AFF3: variants seen among roughly 807,000 people sequenced by gnomAD.
AFF3 encodes ALF transcription elongation factor 3.
In AFF3, 32 loss-of-function variants were observed where a neutral mutation model predicts 129.7. The observed-to-expected ratio is 0.25, with a 90% CI of 0.19 to 0.33. AFF3 has a LOEUF of 0.33. Ranked by LOEUF, AFF3 falls within the 10% of genes least tolerant of loss-of-function variation. AFF3 has a pLI of 1.00. For missense variants in AFF3, 1,373 were observed against 1,592.0 expected (o/e 0.86, Z 2.34); for synonymous variants, 644 against 635.4 (o/e 1.01, Z -0.20).
At chr2:99,553,729 T>C (rs1305655506) in intron 24 of AFF3, among the ~76,000 whole-genome samples, 9 of 151,318 alleles carry the variant, frequency 5.9e-5, no homozygotes, top group East Asian at 1.9e-4. Context: ...CTGGCCAACA[T>C]GGTGAAACCC....
At chr2:99,676,391 G>A (rs919371153) in intron 11 of AFF3, among the ~76,000 whole-genome samples, 3 of 152,164 alleles carry the variant, frequency 2.0e-5, no homozygotes, top group Admixed American at 1.3e-4. Context: ...GCTGTGGACC[G>A]TGGTAGTCAG....
intron 13 of AFF3, among the ~76,000 whole-genome samples, chr2:99,609,865 A>G (rs1231835666): frequency 6.6e-6 from 1 of 152,212 alleles, no homozygotes; most frequent in East Asian, 1.9e-4. Context: ...TCTGAGCCCA[A>G]GCCTGCATGT....
intron 7 of AFF3, among the ~76,000 whole-genome samples, chr2:99,896,000 C>T (rs1318802493): frequency 3.1e-5 from 4 of 129,916 alleles, no homozygotes; most frequent in African/African-American, 1.2e-4. Context: ...ACCCAGGAGG[C>T]GGAGATTGCA....
intron 8 of AFF3, among the ~76,000 whole-genome samples, chr2:99,797,931 A>C (rs1685665980): frequency 6.6e-6 from 1 of 152,162 alleles, no homozygotes; most frequent in South Asian, 2.1e-4. Flanking sequence ...AGGCAGAAGG[A>C]AAGTGCTAAC....
At chr2:99,923,138 C>A (rs1695970581) in intron 7 of AFF3, among the ~76,000 whole-genome samples, 1 of 152,184 alleles carries the variant, frequency 6.6e-6, no homozygotes, top group Non-Finnish European at 1.5e-5. Flanking sequence ...CTTCCTCACC[C>A]CACAGGAAGC....
At chr2:99,569,184 T>C (rs1238494070) in intron 18 of AFF3, among the ~76,000 whole-genome samples, 1 of 152,174 alleles carries the variant, frequency 6.6e-6, no homozygotes, top group Non-Finnish European at 1.5e-5. Flanking sequence ...GCCTAATTTG[T>C]GAATATATTT....
chr2:99,643,689 G>T (rs989219422), intron 13 of AFF3, among the ~76,000 whole-genome samples: 2 of 152,142 alleles, frequency 1.3e-5, no homozygotes, highest in Non-Finnish European at 2.9e-5. Context: ...GGGTCAGGAA[G>T]ATGAAGCTGA....
chr2:99,900,070 T>C (rs1314630897), intron 7 of AFF3, among the ~76,000 whole-genome samples: 1 of 152,110 alleles, frequency 6.6e-6, no homozygotes, highest in Non-Finnish European at 1.5e-5. Context: ...GTGGCTGTAA[T>C]AGGATATTAA....
intron 12 of AFF3, among the ~76,000 whole-genome samples, chr2:99,659,627 G>C (rs1686053519): frequency 1.3e-5 from 2 of 152,172 alleles, no homozygotes; most frequent in African/African-American, 4.8e-5. Flanking sequence ...AGTTCGAAAA[G>C]TGCCAGTTGA....
chr2:99,819,506 C>T (rs1240963438), intron 8 of AFF3, among the ~76,000 whole-genome samples: 1 of 152,174 alleles, frequency 6.6e-6, no homozygotes, highest in African/African-American at 2.4e-5. Context: ...TAAAGTGTTT[C>T]CTTCAATCTC....
chr2:99,565,886 A>C (rs1675914477), intron 19 of AFF3, among the ~76,000 whole-genome samples: 1 of 152,224 alleles, frequency 6.6e-6, no homozygotes, highest in African/African-American at 2.4e-5. Flanking sequence ...TCAGAACTGC[A>C]TGGCTGCTCT....
chr2:99,789,355 G>A (rs1196130270), intron 8 of AFF3, among the ~76,000 whole-genome samples: 2 of 151,108 alleles, frequency 1.3e-5, no homozygotes, highest in African/African-American at 4.9e-5. Flanking sequence ...GGCTGGGGCG[G>A]GAGGATTGCT....
chr2:100,001,263 G>A (rs1020805779), intron 7 of AFF3, among the ~76,000 whole-genome samples: 17 of 152,126 alleles, frequency 1.1e-4, no homozygotes, highest in African/African-American at 3.9e-4. Flanking sequence ...AATGATATAA[G>A]TCTGAAGGAG....
chr2:99,601,457 G>C lies in AFF3; in HGVS notation c.1349C>G (p.Pro450Arg). The change falls in exon 14 of 25, where the codon CCC (proline) becomes CGC (arginine). Residue 450 changes from proline to arginine, a missense_variant. By Grantham distance (103) the Pro-to-Arg change is moderately radical. Transcript: ENST00000672756. Reference sequence around the variant, plus strand: ...TACCTCGGGGCTGGAGAAGTGGGGGGGCTTGCTGCCCTCACTCTCGCTGGA... The same window carrying C: ...TACCTCGGGGCTGGAGAAGTGGGGGCGCTTGCTGCCCTCACTCTCGCTGGA... Reference protein sequence around the residue: ...SSSSESEGSKPPHFSSPEAEP... With the variant: ...SSSSESEGSKRPHFSSPEAEP... 6.2e-7 allele frequency: 1 copy of C among 1,608,442 alleles called. No individual in the cohort carries two copies. The highest frequency in any genetic ancestry group is 8.5e-7 in the Non-Finnish European group (1 of 1,176,942).
At chr2:99,931,776 G>A (rs1172598715) in intron 7 of AFF3, among the ~76,000 whole-genome samples, 2 of 152,182 alleles carry the variant, frequency 1.3e-5, no homozygotes, top group African/African-American at 4.8e-5. Context: ...AGGCATGGTG[G>A]CGGGTTCCTG....
At chr2:99,573,266 C>T (rs1028223369) in intron 18 of AFF3, among the ~76,000 whole-genome samples, 2 of 151,918 alleles carry the variant, frequency 1.3e-5, no homozygotes, top group Non-Finnish European at 2.9e-5. Flanking sequence ...ATTTCTTTCT[C>T]TCTCTCTCTC....
chr2:100,072,607 G>C (rs1191553409), intron 4 of AFF3, among the ~76,000 whole-genome samples: 2 of 152,182 alleles, frequency 1.3e-5, no homozygotes, highest in Non-Finnish European at 2.9e-5. Context: ...CAACCCCAGA[G>C]AAAGTGCCCA....
chr2:99,907,484 G>C (rs1694797003), intron 7 of AFF3, among the ~76,000 whole-genome samples: 1 of 151,392 alleles, frequency 6.6e-6, no homozygotes, highest in Non-Finnish European at 1.5e-5. Flanking sequence ...GCTTCACTGT[G>C]AATCATGCAC....
intron 4 of AFF3, among the ~76,000 whole-genome samples, chr2:100,068,542 G>A (rs922278414): frequency 6.6e-6 from 1 of 152,148 alleles, no homozygotes; most frequent in African/African-American, 2.4e-5. Flanking sequence ...ATAGCCCAAA[G>A]GCTGTGATGC....
Sources: gnomAD v4.1 joint callset for allele counts (sites outside exome capture counted in the v4.1 genomes callset) on GRCh38, gnomAD v4.1.1 for gene constraint, MANE v1.5 for transcripts, NCBI Gene and HGNC (gene_info 2026-07-23, HGNC 2026-07-21) for gene names.